Variants in RNF182 observed in about 807,000 individuals in gnomAD.
The protein encoded by RNF182 is E3 ubiquitin-protein ligase RNF182.
In RNF182, 15 loss-of-function variants were observed where a neutral mutation model predicts 14.4. That is an observed-to-expected ratio of 1.04 (90% CI 0.70 to 1.60). The LOEUF (loss-of-function observed/expected upper bound fraction) is 1.60. Ranked by LOEUF, RNF182 falls within the 40% of genes most tolerant of loss-of-function variation. The pLI is 0.00. For synonymous variants in RNF182, 128 were observed against 122.9 expected (o/e 1.04, Z -0.27); for missense variants, 268 against 294.8 (o/e 0.91, Z 0.67).
At chr6:13,933,828 G>C (rs528591182) in intron 1 of RNF182, among the ~76,000 whole-genome samples, 1 of 152,180 alleles carries the variant, frequency 6.6e-6, no homozygotes, top group South Asian at 2.1e-4. Flanking sequence ...GACCAACCTG[G>C]CCAATGTGGT....
chr6:13,948,980 TC>T (rs543448342), intron 1 of RNF182: 12 of 382,560 alleles, frequency 3.1e-5, no homozygotes, highest in Admixed American at 1.6e-4. Context: ...TAATGTCAAA[TC>T]CAATTTTTAA....
chr6:13,970,467 A>AT (rs1322205516), intron 1 of RNF182, among the ~76,000 whole-genome samples: 1 of 152,090 alleles, frequency 6.6e-6, no homozygotes, highest in South Asian at 2.1e-4. Context: ...AGTAGTTCAC[A>AT]TTTTTTTATC....
intron 1 of RNF182, among the ~76,000 whole-genome samples, chr6:13,961,328 T>C (rs1317576701): frequency 6.6e-6 from 1 of 152,244 alleles, no homozygotes; most frequent in Non-Finnish European, 1.5e-5. Context: ...ATAGTGCTTA[T>C]GTATGTAAAG....
intron 1 of RNF182, among the ~76,000 whole-genome samples, chr6:13,925,670 A>G (rs1437729232): frequency 6.6e-6 from 1 of 152,206 alleles, no homozygotes; most frequent in Non-Finnish European, 1.5e-5. Flanking sequence ...TCAAGGAGAT[A>G]CTTGGCACCG....
chr6:13,972,839 G>T (rs1760227483), intron 1 of RNF182, among the ~76,000 whole-genome samples: 1 of 152,244 alleles, frequency 6.6e-6, no homozygotes, highest in Non-Finnish European at 1.5e-5. Flanking sequence ...GGGCAGTGTG[G>T]AAGGGAAATG....
intron 1 of RNF182, among the ~76,000 whole-genome samples, chr6:13,939,712 T>C (rs941781925): frequency 2.6e-5 from 4 of 151,822 alleles, no homozygotes; most frequent in African/African-American, 7.3e-5. Flanking sequence ...CCTGGCTAAT[T>C]TTTTGTATTT....
intron 1 of RNF182, among the ~76,000 whole-genome samples, chr6:13,959,250 C>T (rs896052410): frequency 3.9e-5 from 6 of 152,164 alleles, no homozygotes; most frequent in African/African-American, 1.4e-4. Flanking sequence ...GAGCAAACAG[C>T]CTAAAACATG....
intron 1 of RNF182, among the ~76,000 whole-genome samples, chr6:13,932,995 T>C (rs2113582002): frequency 6.6e-6 from 1 of 152,272 alleles, no homozygotes; most frequent in South Asian, 2.1e-4. Context: ...TTGAAATTGC[T>C]GTCCGAGCAT....
intron 1 of RNF182, among the ~76,000 whole-genome samples, chr6:13,954,573 T>A (rs1243242148): frequency 1.3e-5 from 2 of 152,138 alleles, no homozygotes; most frequent in Non-Finnish European, 2.9e-5. Flanking sequence ...ATTAAATTTT[T>A]TTTTTAGCTC....
intron 1 of RNF182, among the ~76,000 whole-genome samples, chr6:13,960,686 TGTGTGTGC>T (rs1759851947): frequency 1.9e-5 from 2 of 104,998 alleles, no homozygotes; most frequent in African/African-American, 3.2e-5. Flanking sequence ...TGTGTGTGTG[TGTGTGTGC>T]GCGCGTGCAC....
chr6:13,934,060 C>CA lies in RNF182; in HGVS notation c.-367+9043dup, dbSNP rs534161923. ...TTAAAAAAAAGAAATGTGGCCTTAC[C>CA]AAAAAAGTAATGTTGTATTTGCAGG... is the stretch of plus-strand genomic sequence containing the variant. On this transcript the variant is annotated intron_variant, in intron 1 of 2. Transcript: ENST00000488300. 1.8e-3 allele frequency among the ~76,000 whole-genome samples: 268 copies of CA among 152,122 alleles called. 2 individuals carry two copies. Among genetic ancestry groups the CA allele is most frequent in the Non-Finnish European group, 3.0e-3 (206 of 67,972 alleles).
At chr6:13,966,103 G>A (rs1760022310) in intron 1 of RNF182, among the ~76,000 whole-genome samples, 1 of 152,182 alleles carries the variant, frequency 6.6e-6, no homozygotes, top group Non-Finnish European at 1.5e-5. Flanking sequence ...ATAGTCTATA[G>A]GACTACTGGG....
chr6:13,947,730 C>T (rs1466276468), intron 1 of RNF182, among the ~76,000 whole-genome samples: 1 of 152,120 alleles, frequency 6.6e-6, no homozygotes, highest in Non-Finnish European at 1.5e-5. Flanking sequence ...GATATGAGGT[C>T]AGTTTTCTTA....
intron 1 of RNF182, among the ~76,000 whole-genome samples, chr6:13,930,131 T>C (rs529001697): frequency 1.3e-5 from 2 of 151,992 alleles, no homozygotes; most frequent in East Asian, 3.9e-4. Context: ...ATTTGGAAAA[T>C]ATTCCAAAAA....
rs537106823 is a variant in RNF182 at position 13,977,567 on chromosome 6, G to A, written c.448G>A (p.Val150Ile). 10 of 1,614,200 alleles carry A rather than the reference G, an allele frequency of 6.2e-6. No individual in the cohort carries two copies. The highest frequency in any genetic ancestry group is 1.6e-4 in the Middle Eastern group (1 of 6,062). The change falls in exon 3 of 3, where the codon GTA (valine) becomes ATA (isoleucine). Residue 150 changes from valine (V) to isoleucine (I), a missense_variant. Val to Ile is a conservative substitution (Grantham distance 29). Coordinates refer to ENST00000488300, the MANE Select transcript of RNF182 (RefSeq NM_152737.4). Reference protein sequence around the residue: ...SSPSLSSTPVVEFYRPASFDS... With the variant: ...SSPSLSSTPVIEFYRPASFDS... ...CCCGTCCCTGAGCTCCACTCCTGTG[G>A]TAGAATTTTATAGGCCTGCGAGTTT...
At chr6:13,925,678 CCGAGGTCA>C (rs1158037866) in intron 1 of RNF182, among the ~76,000 whole-genome samples, 7 of 152,316 alleles carry the variant, frequency 4.6e-5, no homozygotes, top group South Asian at 2.1e-4. Flanking sequence ...ATACTTGGCA[CCGAGGTCA>C]TTGCTTTTGT....
At chr6:13,925,719 G>C (rs961825841) in intron 1 of RNF182, among the ~76,000 whole-genome samples, 7 of 152,200 alleles carry the variant, frequency 4.6e-5, no homozygotes, top group Non-Finnish European at 7.3e-5. Context: ...TTGTGTTCAT[G>C]CTGTAAGGAA....
chr6:13,969,120 G>GTTT (rs930068978), intron 1 of RNF182, among the ~76,000 whole-genome samples: 1 of 151,952 alleles, frequency 6.6e-6, no homozygotes, highest in Non-Finnish European at 1.5e-5. Context: ...TGTTGTTGTT[G>GTTT]TTGTTGTTGT....
At chr6:13,956,348 G>A (rs928897117) in intron 1 of RNF182, among the ~76,000 whole-genome samples, 1 of 150,728 alleles carries the variant, frequency 6.6e-6, no homozygotes, top group African/African-American at 2.4e-5. Context: ...TTTTGAGATG[G>A]AGTCTTGCTC....
Sources: allele counts gnomAD v4.1 joint callset (sites outside exome capture counted in the v4.1 genomes callset), GRCh38; gene constraint gnomAD v4.1.1; transcripts MANE v1.5; gene names NCBI Gene and HGNC (gene_info 2026-07-23, HGNC 2026-07-21).